The following KCNN2 variants were observed in gnomAD, a reference collection of about 807,000 sequenced individuals.
KCNN2 encodes the protein potassium calcium-activated channel subfamily N member 2, also known as small conductance calcium-activated potassium channel protein 2.
Under a neutral mutation model 55.5 loss-of-function variants are expected in KCNN2, and 24 were observed. That is an observed-to-expected ratio of 0.43 (90% CI 0.31 to 0.61). KCNN2 has a LOEUF of 0.61. Among genes scored for constraint, KCNN2 ranks in the 20% least tolerant of loss-of-function variants. KCNN2 has a pLI of 0.08. For synonymous variants in KCNN2, 431 were observed against 336.1 expected (o/e 1.28, Z -3.09); for missense variants, 754 against 853.6 (o/e 0.88, Z 1.45).
chr5:114,068,639 C>A (rs188161692), intron 1 of KCNN2, among the ~76,000 whole-genome samples: 1 of 152,306 alleles, frequency 6.6e-6, no homozygotes, highest in African/African-American at 2.4e-5. Flanking sequence ...AGAAGCTCTG[C>A]CTCTCCCAGT....
rs1758165272 is a variant in KCNN2 at position 114,382,799 on chromosome 5, A to AGG, written c.1218+18798_1218+18799insGG. On this transcript the variant is annotated intron_variant, in intron 2 of 7. Transcript: ENST00000673685. ...CTCCAGTCATATGCCCAACCCTGGA[A>AGG]ACTGGCCACTCCAAGGATTAGCAGC... Among the ~76,000 whole-genome samples the AGG allele has an allele frequency of 3.3e-5, 5 of 152,308 alleles. No individual in the cohort carries two copies. In the South Asian group the frequency reaches 1.0e-3, roughly 32 times the overall value.
intron 1 of KCNN2, among the ~76,000 whole-genome samples, chr5:114,127,881 A>G (rs892137167): frequency 3.3e-5 from 5 of 152,198 alleles, no homozygotes; most frequent in Admixed American, 6.5e-5. Context: ...AATGCCTCCA[A>G]TCTCTTTGCT....
intron 3 of KCNN2, among the ~76,000 whole-genome samples, chr5:114,411,462 G>C (rs1012263308): frequency 6.6e-6 from 1 of 152,100 alleles, no homozygotes; most frequent in African/African-American, 2.4e-5. Context: ...GCTGGTATAT[G>C]TGGCTCAGTC....
At chr5:114,366,060 T>A (rs1757590625) in intron 2 of KCNN2, among the ~76,000 whole-genome samples, 1 of 152,152 alleles carries the variant, frequency 6.6e-6, no homozygotes, top group South Asian at 2.1e-4. Flanking sequence ...TTTGAAAAAA[T>A]TGATGTCATA....
chr5:114,391,917 G>A (rs367820805), intron 2 of KCNN2, among the ~76,000 whole-genome samples: 55 of 152,208 alleles, frequency 3.6e-4, no homozygotes, highest in African/African-American at 1.3e-3. Flanking sequence ...GGTTGCTGCA[G>A]ATCCAAGTAT....
intron 2 of KCNN2, among the ~76,000 whole-genome samples, chr5:114,266,313 A>G (rs1755206293): frequency 6.6e-6 from 1 of 152,182 alleles, no homozygotes; most frequent in Non-Finnish European, 1.5e-5. Context: ...TGTCTGTTGT[A>G]GAATGCTCTA....
chr5:114,484,921 T>C (rs368700597), intron 5 of KCNN2, among the ~76,000 whole-genome samples: 152 of 152,242 alleles, frequency 1.0e-3, no homozygotes, highest in South Asian at 7.3e-3. Flanking sequence ...GCTTAGTGAA[T>C]AGAAAGCCTG....
At chr5:114,384,822 A>G (rs760575632) in intron 2 of KCNN2, among the ~76,000 whole-genome samples, 14 of 152,284 alleles carry the variant, frequency 9.2e-5, no homozygotes, top group Middle Eastern at 3.4e-3. Context: ...CCAGTCTGCC[A>G]TGACTGGAGA....
intron 1 of KCNN2, among the ~76,000 whole-genome samples, chr5:114,103,707 G>A (rs1751420300): frequency 6.6e-6 from 1 of 152,048 alleles, no homozygotes; most frequent in Admixed American, 6.6e-5. Flanking sequence ...CATTGTTTCT[G>A]TTTATGTGAT....
intron 2 of KCNN2, among the ~76,000 whole-genome samples, chr5:114,341,855 G>A (rs1276752038): frequency 4.0e-5 from 6 of 150,618 alleles, no homozygotes; most frequent in Non-Finnish European, 4.4e-5. Context: ...ACAGCCTACT[G>A]TTGGTTAAAA....
At chr5:114,410,651 TAG>T (rs1759103255) in intron 3 of KCNN2, among the ~76,000 whole-genome samples, 1 of 152,036 alleles carries the variant, frequency 6.6e-6, no homozygotes, top group African/African-American at 2.4e-5. Context: ...AATGCTGTGT[TAG>T]GGGGCAAATT....
rs183374240 is a variant in KCNN2 at position 114,156,916 on chromosome 5, C to A, written c.-270-64564C>A. Among the ~76,000 whole-genome samples, 301 of 152,134 alleles carry A rather than the reference C, an allele frequency of 2.0e-3. 2 individuals are homozygous for A. Among genetic ancestry groups the A allele is most frequent in the African/African-American group, 7.0e-3 (291 of 41,512 alleles). ...ATAGTCTACTGATGTTCAAAATACT[C>A]AAGCAAGTATTTTTTCCAGGTTGTT... On this transcript the variant is annotated intron_variant, in intron 1 of 10. Transcript: ENST00000512097.
intron 1 of KCNN2, among the ~76,000 whole-genome samples, chr5:114,093,258 C>A (rs1751186698): frequency 6.6e-6 from 1 of 152,130 alleles, no homozygotes; most frequent in Non-Finnish European, 1.5e-5. Context: ...TGATTCAGTT[C>A]CCAATGAGTT....
chr5:114,120,921 G>A lies in KCNN2; in HGVS notation c.-271+64421G>A, dbSNP rs141543101. On this transcript the variant is annotated intron_variant, in intron 1 of 10. Transcript: ENST00000512097. The stretch of plus-strand genomic sequence containing the variant: ...GGCATACTTAAAAATATGAGCTGCT[G>A]TGTCTAGGGAGCAGTACTTCCCTTA... 2.2e-4 allele frequency among the ~76,000 whole-genome samples: 34 copies of A among 152,318 alleles called. No homozygotes were observed. The East Asian group carries it at 6.0e-3, about 27-fold the overall frequency.
chr5:114,488,396 A>G (rs960408917), intron 6 of KCNN2, among the ~76,000 whole-genome samples: 17 of 152,106 alleles, frequency 1.1e-4, no homozygotes, highest in African/African-American at 3.9e-4. Flanking sequence ...ACACATCACT[A>G]TGCTTTTTCT....
chr5:114,059,115 A>G (rs1000228143), intron 1 of KCNN2, among the ~76,000 whole-genome samples: 2 of 152,172 alleles, frequency 1.3e-5, no homozygotes, highest in African/African-American at 4.8e-5. Flanking sequence ...GGAGAAGTGG[A>G]TAGATTCAGG....
intron 1 of KCNN2, among the ~76,000 whole-genome samples, chr5:114,059,750 T>C (rs1750288168): frequency 3.3e-5 from 5 of 152,240 alleles, no homozygotes; most frequent in Admixed American, 3.3e-4. Context: ...TGGCAGGGAC[T>C]AGACAGTGAA....
intron 3 of KCNN2, among the ~76,000 whole-genome samples, chr5:114,435,158 T>G (rs1046621775): frequency 2.2e-4 from 33 of 148,552 alleles, no homozygotes; most frequent in African/African-American, 7.8e-4. Flanking sequence ...GACCAGGCCT[T>G]CCTGAGTTTG....
At chr5:114,412,634 G>A (rs1759172207) in intron 3 of KCNN2, among the ~76,000 whole-genome samples, 1 of 152,140 alleles carries the variant, frequency 6.6e-6, no homozygotes, top group Admixed American at 6.5e-5. Context: ...ATATTAGAGT[G>A]CTAGCTCATT....
Sources: allele counts gnomAD v4.1 joint callset (sites outside exome capture counted in the v4.1 genomes callset), GRCh38; gene constraint gnomAD v4.1.1; transcripts MANE v1.5; gene names NCBI Gene and HGNC (gene_info 2026-07-23, HGNC 2026-07-21).